CDH23: variants seen among roughly 807,000 people sequenced by gnomAD.
The protein encoded by CDH23 is cadherin related 23, also known as cadherin-23.
A neutral mutation model predicts 317.1 loss-of-function variants in CDH23; 189 were observed. The ratio of observed to expected loss-of-function variants is 0.60; its 90% CI spans 0.53 to 0.67. The LOEUF (loss-of-function observed/expected upper bound fraction) is 0.67, where lower values mean the gene tolerates loss of function less well. Among genes scored for constraint, CDH23 ranks in the 30% least tolerant of loss-of-function variants. The probability of loss-of-function intolerance (pLI) is 0.00; values close to 1 mark genes in which losing one functional copy is unlikely to be tolerated. For synonymous variants in CDH23, 1,839 were observed against 1,876.8 expected, an observed-to-expected ratio of 0.98 and a Z score of 0.52; for missense variants, 4,401 against 4,592.4, an observed-to-expected ratio of 0.96 and a Z score of 1.20.
intron 14 of CDH23, among the ~76,000 whole-genome samples, chr10:71,664,845 TCTC>T (rs756920479): frequency 6.7e-6 from 1 of 148,992 alleles, no homozygotes; most frequent in African/African-American, 2.5e-5. Context: ...CCCTCTTCCT[TCTC>T]CTCCTCCCTT....
chr10:71,516,446 C>T (rs1854337480), intron 6 of CDH23, among the ~76,000 whole-genome samples: 1 of 152,238 alleles, frequency 6.6e-6, no homozygotes, highest in Non-Finnish European at 1.5e-5. Flanking sequence ...CTCCATGTCC[C>T]TTAACAAGGA....
chr10:71,773,582 T>C, intron 38 of CDH23: 1 of 673,326 alleles, frequency 1.5e-6, no homozygotes, highest in Non-Finnish European at 2.2e-6. Context: ...CCCGCCCCCT[T>C]CGCGCAGCGC....
At chr10:71,402,682 C>T (rs1460842429) in intron 1 of CDH23, among the ~76,000 whole-genome samples, 5 of 151,496 alleles carry the variant, frequency 3.3e-5, no homozygotes, top group Admixed American at 2.0e-4. Context: ...ACAATCTATA[C>T]ATTCATAAAT....
chr10:71,689,504 T>C (rs1865105801), intron 19 of CDH23, among the ~76,000 whole-genome samples: 1 of 152,142 alleles, frequency 6.6e-6, no homozygotes, highest in Non-Finnish European at 1.5e-5. Flanking sequence ...GTGCCTGTCC[T>C]CCTGCTCAAG....
chr10:71,612,421 T>G (rs570238884), intron 9 of CDH23, among the ~76,000 whole-genome samples: 1 of 151,882 alleles, frequency 6.6e-6, no homozygotes, highest in East Asian at 1.9e-4. Flanking sequence ...AGGAGCTGAG[T>G]GAAGAAATAC....
intron 6 of CDH23, among the ~76,000 whole-genome samples, chr10:71,547,647 G>A (rs768506327): frequency 6.6e-6 from 1 of 152,226 alleles, no homozygotes; most frequent in Non-Finnish European, 1.5e-5. Flanking sequence ...CCCCGCAGGG[G>A]TGGTGGTGGG....
At chr10:71,714,941 T>G (rs1792360288) in intron 28 of CDH23, 1 of 152,240 alleles carries the variant, frequency 6.6e-6, no homozygotes, top group Admixed American at 6.5e-5. Flanking sequence ...GGTTTGGGAT[T>G]CTGAGAAGCC....
intron 38 of CDH23, among the ~76,000 whole-genome samples, chr10:71,752,676 T>C (rs928440420): frequency 1.3e-5 from 2 of 152,124 alleles, no homozygotes; most frequent in Non-Finnish European, 2.9e-5. Context: ...CTCCTTTGCA[T>C]GTCTCACTGT....
chr10:71,800,643 T>C lies in CDH23; in HGVS notation c.7370T>C (p.Ile2457Thr). 1.9e-6 allele frequency: 3 copies of C among 1,613,930 alleles called. No homozygotes were observed. The highest frequency in any genetic ancestry group is 1.1e-5 in the South Asian group (1 of 91,074). The change falls in exon 53 of 70, where the codon ATC becomes ACC. Residue 2457 changes from isoleucine (I) to threonine (T), a missense_variant. Ile to Thr is a moderately conservative substitution (Grantham distance 89). Coordinates refer to ENST00000224721, the MANE Select transcript of CDH23 (RefSeq NM_022124.6). ...KFAINPTTGD[I>T]YVLSSLDREK... is the part of the protein sequence containing the mutation. ...CCACCCTCCCCCTACTAGGGTGACA[T>C]CTATGTGCTGTCTTCTCTGGACCGG...
intron 6 of CDH23, among the ~76,000 whole-genome samples, chr10:71,543,674 A>G (rs1856110869): frequency 6.6e-6 from 1 of 152,258 alleles, no homozygotes. Context: ...TCCATTTGAC[A>G]GATGGGAAAC....
chr10:71,401,874 G>A (rs952524826), intron 1 of CDH23, among the ~76,000 whole-genome samples: 2 of 152,274 alleles, frequency 1.3e-5, no homozygotes, highest in East Asian at 1.9e-4. Flanking sequence ...GAGCCAATTC[G>A]GAAAACATTA....
At chr10:71,516,367 C>T (rs1312448199) in intron 6 of CDH23, among the ~76,000 whole-genome samples, 1 of 152,152 alleles carries the variant, frequency 6.6e-6, no homozygotes, top group Non-Finnish European at 1.5e-5. Flanking sequence ...AGCCTCAGTG[C>T]TGGCTGCGAT....
At chr10:71,573,977 T>C (rs1043329209) in intron 8 of CDH23, among the ~76,000 whole-genome samples, 2 of 152,202 alleles carry the variant, frequency 1.3e-5, no homozygotes, top group Non-Finnish European at 2.9e-5. Flanking sequence ...GGCTGCTAAT[T>C]GGTTTCTGTG....
rs760160114 is a variant in CDH23 at position 71,397,203 on chromosome 10, C to T, written c.-121C>T. 5 of 242,544 alleles carry T rather than the reference C, an allele frequency of 2.1e-5. No individual in the cohort carries two copies. Among genetic ancestry groups the T allele is most frequent in the South Asian group, 1.8e-4 (5 of 27,298 alleles). 15.0% of individuals were successfully genotyped at this position (242,544 alleles called of 1,614,324 possible). A position where few individuals can be genotyped will look rare whatever the true frequency, so the allele number is the denominator to read the frequency against. On this transcript the variant is annotated 5_prime_UTR_variant, in exon 1 of 70. Coordinates refer to ENST00000224721, the MANE Select transcript of CDH23 (RefSeq NM_022124.6). This position sits in a 1 kb window ranked among gnomAD's most constrained non-coding sequence, Gnocchi z 4.8. Reference sequence around the variant, plus strand: ...GCACGCCGCGGATGAGCCTTCGCGCCGGCGGGAAGACGCGGCGGTGGCCAG... The same window carrying T: ...GCACGCCGCGGATGAGCCTTCGCGCTGGCGGGAAGACGCGGCGGTGGCCAG...
rs373923176 is a variant in CDH23 at position 71,775,446 on chromosome 10, C to A, written c.4846-2234C>A. 2.2e-4 allele frequency among the ~76,000 whole-genome samples: 34 copies of A among 152,340 alleles called. No homozygotes were observed. The South Asian group carries it at 4.3e-3, about 19-fold the overall frequency. ...CTGAGCTGGGCCCAGTTCCCTCCCCCCTTTTCACTTCCTTTCTCCCTACCA... is the reference window on the plus strand; with the variant it reads ...CTGAGCTGGGCCCAGTTCCCTCCCCACTTTTCACTTCCTTTCTCCCTACCA... On this transcript the variant is annotated intron_variant, in intron 38 of 69. Coordinates refer to ENST00000224721, the MANE Select transcript of CDH23 (RefSeq NM_022124.6).
At chr10:71,671,565 C>T (rs1029952401) in intron 14 of CDH23, among the ~76,000 whole-genome samples, 6 of 152,324 alleles carry the variant, frequency 3.9e-5, no homozygotes, top group Admixed American at 1.3e-4. Flanking sequence ...CAACCACAAA[C>T]AAGTCTTGCT....
Position 71,730,595 on chromosome 10 carries a change from C to T in CDH23, c.3706C>T (p.Arg1236Ter), listed in dbSNP as rs397517327. 8 of 1,613,840 alleles carry T rather than the reference C, an allele frequency of 5.0e-6. No homozygotes were observed. Among genetic ancestry groups the T allele is most frequent in the East Asian group, 2.2e-5 (1 of 44,888 alleles). Residue 1236 changes from arginine (R) to a stop codon, truncating the protein, a stop_gained, in exon 31 of 70, where the codon CGA (arginine) becomes TGA (stop). Coordinates refer to ENST00000224721, the MANE Select transcript of CDH23 (RefSeq NM_022124.6). LOFTEE classifies it high-confidence loss of function. ...TSVIVVQATD[R>*]DSGDGGLVNY... ...AGTCATCGTGGTCCAAGCCACAGAC[C>T]GAGACTCTGGTGAGGCTGGCAGGAG...
Position 71,805,845 on chromosome 10 carries a change from A to G in CDH23, c.7912A>G (p.Thr2638Ala), listed in dbSNP as rs1469897677. ...CTCCAACGTGTACGAGGTCTACGCC[A>G]CGGACAAGGATGAGGGCCTCAACGG... ...LRSNVYEVYA[T>A]DKDEGLNGAV... The change falls in exon 56 of 70, where the codon ACG becomes GCG. Residue 2638 changes from threonine to alanine, a missense_variant. By Grantham distance (58) the Thr-to-Ala change is moderately conservative. Coordinates refer to ENST00000224721, the MANE Select transcript of CDH23 (RefSeq NM_022124.6). 3 of 1,613,696 alleles carry G rather than the reference A, an allele frequency of 1.9e-6. No individual in the cohort carries two copies. The highest frequency in any genetic ancestry group is 1.3e-5 in the African/African-American group (1 of 74,930).
chr10:71,798,347 A>C lies in CDH23; in HGVS notation c.6830-7A>C, dbSNP rs200587627. The stretch of plus-strand genomic sequence containing the variant: ...CCCCTCTCCCTCACTCCCTGCCTCC[A>C]CCACAGCCAAGCTGACTGTCAACGT... On this transcript the variant is annotated splice_region_variant and splice_polypyrimidine_tract_variant and intron_variant, in intron 49 of 69. Transcript: ENST00000224721. 199 of 1,607,794 alleles carry C rather than the reference A, an allele frequency of 1.2e-4. No homozygotes were observed. Among genetic ancestry groups the C allele is most frequent in the Non-Finnish European group, 1.6e-4 (190 of 1,174,390 alleles).
Sources: allele counts gnomAD v4.1 joint callset (sites outside exome capture counted in the v4.1 genomes callset), GRCh38; gene constraint gnomAD v4.1.1; non-coding constraint Gnocchi (gnomAD v3.1); transcripts MANE v1.5; gene names NCBI Gene and HGNC (gene_info 2026-07-23, HGNC 2026-07-21).